The following RBFOX1 variants were observed in gnomAD, a reference collection of about 807,000 sequenced individuals.
RBFOX1 encodes RNA binding fox-1 homolog 1, also known as RNA binding protein fox-1 homolog 1.
In RBFOX1, 8 loss-of-function variants were observed where a neutral mutation model predicts 57.7. That is an observed-to-expected ratio of 0.14 (90% CI 0.08 to 0.25). The LOEUF is 0.25. RBFOX1 is among the 10% of genes least tolerant of loss of function. RBFOX1 has a pLI of 1.00. For synonymous variants in RBFOX1, 326 were observed against 222.4 expected (o/e 1.47, Z -4.15); for missense variants, 611 against 548.5 (o/e 1.11, Z -1.14).
At chr16:6,738,754 C>G (rs2071195125) in intron 3 of RBFOX1, among the ~76,000 whole-genome samples, 1 of 151,990 alleles carries the variant, frequency 6.6e-6, no homozygotes, top group Admixed American at 6.6e-5. Flanking sequence ...TAGACATCAG[C>G]AAATGTAAAG....
intron 1 of RBFOX1, among the ~76,000 whole-genome samples, chr16:6,296,710 GTA>G (rs1555611787): frequency 1.3e-5 from 2 of 152,136 alleles, no homozygotes; most frequent in Non-Finnish European, 2.9e-5. Context: ...GTGAGCCACC[GTA>G]CCCAGCCTGT....
intron 2 of RBFOX1, among the ~76,000 whole-genome samples, chr16:6,540,812 C>CT (rs896275288): frequency 1.3e-5 from 2 of 151,840 alleles, no homozygotes; most frequent in African/African-American, 4.8e-5. Context: ...TCTAGCTGTA[C>CT]TTTTTTTTGC....
At chr16:7,673,402 C>T (rs2072226566) in intron 13 of RBFOX1, among the ~76,000 whole-genome samples, 1 of 152,100 alleles carries the variant, frequency 6.6e-6, no homozygotes, top group Non-Finnish European at 1.5e-5. Context: ...ACCCCACAAG[C>T]ATAATTTTGA....
At chr16:7,606,756 C>T (rs1467851555) in intron 9 of RBFOX1, among the ~76,000 whole-genome samples, 2 of 152,268 alleles carry the variant, frequency 1.3e-5, no homozygotes, top group East Asian at 3.9e-4. Flanking sequence ...ATGTAGGCCA[C>T]AGTAAATCTC....
At chr16:5,925,944 C>T (rs2058931957) in intron 4 of RBFOX1, among the ~76,000 whole-genome samples, 2 of 152,154 alleles carry the variant, frequency 1.3e-5, no homozygotes, top group South Asian at 2.1e-4. Context: ...ACTAAACATG[C>T]AGTGGCCTTC....
chr16:6,878,495 T>C (rs758949491), intron 3 of RBFOX1, among the ~76,000 whole-genome samples: 10 of 152,200 alleles, frequency 6.6e-5, no homozygotes, highest in Non-Finnish European at 1.0e-4. Context: ...ACATGTGATA[T>C]GAGCAAGAAA....
rs545490075 is a variant in RBFOX1, at chr16:6,199,629, C to G, written c.-126-117366C>G. Among the ~76,000 whole-genome samples, 3 of 152,264 alleles carry G rather than the reference C, an allele frequency of 2.0e-5. No homozygotes were observed. In the South Asian group the frequency reaches 6.2e-4, roughly 32 times the overall value. On this transcript the variant is annotated intron_variant, in intron 1 of 15. Coordinates refer to ENST00000550418, the MANE Select transcript of RBFOX1 (RefSeq NM_018723.4). ...TTTGTATTAACTAAATAATACTTAC[C>G]TGATGCAGATAATTTAAGTTGTCTA...
chr16:6,153,851 G>A (rs757314813), intron 1 of RBFOX1, among the ~76,000 whole-genome samples: 5 of 152,088 alleles, frequency 3.3e-5, no homozygotes, highest in Non-Finnish European at 5.9e-5. Flanking sequence ...TATCATCTTA[G>A]GCTTCGCATT....
intron 2 of RBFOX1, among the ~76,000 whole-genome samples, chr16:6,637,798 T>C (rs1602284737): frequency 6.6e-6 from 1 of 151,942 alleles, no homozygotes; most frequent in Non-Finnish European, 1.5e-5. Context: ...GAGGGCAGGA[T>C]ATTCCATGGT....
In RBFOX1 at chr16:6,153,536, GT is replaced by G. The variant is rs771545988; in HGVS notation, c.-127+133554del. Among the ~76,000 whole-genome samples, 82 of 149,416 alleles carry G rather than the reference GT, an allele frequency of 5.5e-4. 2 individuals carry two copies. The highest frequency in any genetic ancestry group is 8.8e-4 in the African/African-American group (36 of 40,776). ...TCCAAGTTCCCAAAGTCCATTGTAC[GT>G]TTTTTTTTTCCCCCTTGGGATGGAG... On this transcript the variant is annotated intron_variant, in intron 1 of 15. Transcript: ENST00000550418.
intron 4 of RBFOX1, among the ~76,000 whole-genome samples, chr16:7,057,300 T>C (rs2052643924): frequency 6.6e-6 from 1 of 152,160 alleles, no homozygotes; most frequent in South Asian, 2.1e-4. Context: ...ATTCCAGCTA[T>C]CTTAAGCAGA....
intron 3 of RBFOX1, among the ~76,000 whole-genome samples, chr16:6,978,233 A>C (rs1273721391): frequency 6.6e-6 from 1 of 152,150 alleles, no homozygotes; most frequent in African/African-American, 2.4e-5. Flanking sequence ...TTGAAAAACA[A>C]GTTTCTAGCC....
intron 3 of RBFOX1, among the ~76,000 whole-genome samples, chr16:6,885,034 C>T (rs1352412900): frequency 6.6e-6 from 1 of 152,180 alleles, no homozygotes; most frequent in Admixed American, 6.5e-5. Context: ...TTTAGAAAAG[C>T]AGCAAAACGT....
At chr16:6,755,459 G>A (rs1285012597) in intron 3 of RBFOX1, among the ~76,000 whole-genome samples, 2 of 152,118 alleles carry the variant, frequency 1.3e-5, no homozygotes, top group Admixed American at 6.6e-5. Context: ...GCCAGTGATG[G>A]TGAGCATTTT....
At chr16:7,665,412 G>C (rs1436232907) in intron 13 of RBFOX1, among the ~76,000 whole-genome samples, 1 of 152,000 alleles carries the variant, frequency 6.6e-6, no homozygotes, top group Non-Finnish European at 1.5e-5. Flanking sequence ...GTAGCCTTAG[G>C]AACACTCTTT....
intron 4 of RBFOX1, among the ~76,000 whole-genome samples, chr16:5,909,879 C>A (rs2058566428): frequency 6.6e-6 from 1 of 151,918 alleles, no homozygotes; most frequent in Non-Finnish European, 1.5e-5. Context: ...ATGGTGAAAC[C>A]CCGTCTCCAC....
chr16:6,691,270 A>T (rs894858040), intron 3 of RBFOX1, among the ~76,000 whole-genome samples: 1 of 152,078 alleles, frequency 6.6e-6, no homozygotes, highest in East Asian at 1.9e-4. Context: ...GAGCATCTCG[A>T]TGTGTGCGTG....
At chr16:6,066,796 A>G (rs1160555629) in intron 1 of RBFOX1, among the ~76,000 whole-genome samples, 6 of 152,188 alleles carry the variant, frequency 3.9e-5, no homozygotes, top group African/African-American at 4.8e-5. Flanking sequence ...TATGGTTCTC[A>G]GAGTCTCTCT....
chr16:7,380,799 C>T (rs190776800), intron 4 of RBFOX1, among the ~76,000 whole-genome samples: 39 of 152,170 alleles, frequency 2.6e-4, no homozygotes, highest in African/African-American at 8.9e-4. Flanking sequence ...AACTTAAAAT[C>T]CCTAATGAGA....
Sources: gnomAD v4.1 joint callset for allele counts (sites outside exome capture counted in the v4.1 genomes callset) on GRCh38, gnomAD v4.1.1 for gene constraint, MANE v1.5 for transcripts, NCBI Gene and HGNC (gene_info 2026-07-23, HGNC 2026-07-21) for gene names.